The following RASGEF1A variants were observed in gnomAD, a reference collection of about 807,000 sequenced individuals.
The protein encoded by RASGEF1A is ras-GEF domain-containing family member 1A.
A neutral mutation model predicts 56.4 loss-of-function variants in RASGEF1A; 18 were observed. The ratio of observed to expected loss-of-function variants is 0.32; its 90% CI spans 0.22 to 0.47. The LOEUF is 0.47. Ranked by LOEUF, RASGEF1A falls within the 20% of genes least tolerant of loss-of-function variation. RASGEF1A has a pLI of 1.00. For synonymous variants in RASGEF1A, 245 were observed against 242.6 expected, an observed-to-expected ratio of 1.01 and a Z score of -0.09; for missense variants, 422 against 627.1, an observed-to-expected ratio of 0.67 and a Z score of 3.49.
At chr10:43,198,238 C>A (rs766722305) in intron 9 of RASGEF1A, 43 bp from the exon 10 acceptor site, 1 of 1,513,718 alleles carries the variant, frequency 6.6e-7, no homozygotes, top group Middle Eastern at 1.8e-4. Context: ...CAGCCCCATG[C>A]CCCTCCGACC....
chr10:43,244,718 CA>C (rs1442736828), intron 1 of RASGEF1A, among the ~76,000 whole-genome samples: 38 of 152,084 alleles, frequency 2.5e-4, no homozygotes, highest in African/African-American at 9.2e-4. Context: ...GAAGAAACCA[CA>C]AGGGAATTCT....
At position 43,200,125 on chromosome 10, in the gene RASGEF1A, G is replaced by C. The variant is rs1372585847; in HGVS notation, c.756+57C>G. 7.8e-6 allele frequency: 11 copies of C among 1,407,966 alleles called. No individual in the cohort carries two copies. The East Asian group carries it at 2.5e-4, about 31-fold the overall frequency. 87.2% of individuals were successfully genotyped at this position (1,407,966 alleles called of 1,614,324 possible). A position where few individuals can be genotyped will look rare whatever the true frequency, so the allele number is the denominator to read the frequency against. On this transcript the variant is annotated intron_variant, in intron 6 of 12. Coordinates refer to ENST00000395810, the MANE Select transcript of RASGEF1A (RefSeq NM_145313.4). ...GAGGCCCACACCCACCCTGCATGGA[G>C]CGCAAGTGCTGGGCAGACAGGGCTG...
chr10:43,201,672 G>A lies in RASGEF1A; in HGVS notation c.459+136C>T, dbSNP rs536559760. On this transcript the variant is annotated intron_variant, in intron 4 of 12. Coordinates refer to ENST00000395810, the MANE Select transcript of RASGEF1A (RefSeq NM_145313.4). ...ATCTGGGGGAAGGGAGGTTGAATGG[G>A]GCCAGCCAGCAACCCTCCTGGGGGA... The A allele has an allele frequency of 3.7e-5, 35 of 953,740 alleles. No homozygotes were observed. The East Asian group carries it at 9.7e-4, about 27-fold the overall frequency. 59.1% of individuals were successfully genotyped at this position (953,740 alleles called of 1,614,324 possible).
At chr10:43,254,923 C>T (rs1840670843) in intron 1 of RASGEF1A, among the ~76,000 whole-genome samples, 1 of 152,188 alleles carries the variant, frequency 6.6e-6, no homozygotes, top group South Asian at 2.1e-4. Flanking sequence ...CTGGTAGCCC[C>T]AGGGCCCACT....
rs547805386 is a variant in RASGEF1A, at chr10:43,257,369, G to A, written c.-7+9476C>T. Among the ~76,000 whole-genome samples, 53 of 152,380 alleles carry A rather than the reference G, an allele frequency of 3.5e-4. 1 individual carries two copies. Among genetic ancestry groups the A allele is most frequent in the African/African-American group, 1.3e-3 (53 of 41,592 alleles). On this transcript the variant is annotated intron_variant, in intron 1 of 12. Transcript: ENST00000395810. Reference sequence around the variant, plus strand: ...CCCTCACCAGGTGGGCAGCTCATCAGCCACATGGGGCCTTGCCCAGCGAGT... The same window carrying A: ...CCCTCACCAGGTGGGCAGCTCATCAACCACATGGGGCCTTGCCCAGCGAGT...
At chr10:43,197,384 C>T (rs756270399) in intron 10 of RASGEF1A, among the ~76,000 whole-genome samples, 1 of 152,252 alleles carries the variant, frequency 6.6e-6, no homozygotes, top group Non-Finnish European at 1.5e-5. Context: ...GAAGGCCCCA[C>T]TGATAACTCC....
At chr10:43,240,921 A>G (rs966216799) in intron 1 of RASGEF1A, among the ~76,000 whole-genome samples, 2 of 152,242 alleles carry the variant, frequency 1.3e-5, no homozygotes, top group African/African-American at 4.8e-5. Context: ...GAAGCAGTTG[A>G]GCTGACACGT....
intron 1 of RASGEF1A, chr10:43,206,987 C>A: frequency 1.7e-5 from 17 of 985,452 alleles, no homozygotes; most frequent in Non-Finnish European, 1.9e-5. Context: ...CAGGGTCTCA[C>A]CACACCCTGC....
chr10:43,228,084 C>T (rs1312258878), intron 1 of RASGEF1A, among the ~76,000 whole-genome samples: 5 of 152,240 alleles, frequency 3.3e-5, no homozygotes, highest in South Asian at 2.1e-4. Context: ...ACTGCAGCCC[C>T]GTCACCCCCA....
intron 1 of RASGEF1A, among the ~76,000 whole-genome samples, chr10:43,248,364 T>TAA (rs34561814): frequency 2.2e-4 from 24 of 111,378 alleles, no homozygotes; most frequent in Non-Finnish European, 2.0e-4. Context: ...ACTCGGTCTT[T>TAA]AAAAAAAAAA....
At chr10:43,243,147 C>T (rs997585315) in intron 1 of RASGEF1A, among the ~76,000 whole-genome samples, 4 of 151,546 alleles carry the variant, frequency 2.6e-5, no homozygotes, top group Non-Finnish European at 5.9e-5. Flanking sequence ...CTGGCCGCCC[C>T]GTCTGGGAGG....
intron 1 of RASGEF1A, chr10:43,209,008 T>C (rs954194623): frequency 1.0e-6 from 1 of 985,370 alleles, no homozygotes; most frequent in East Asian, 1.1e-4. Flanking sequence ...CACCCAGCCC[T>C]GAGGTCGCTT....
chr10:43,235,388 G>A (rs1359900498), intron 1 of RASGEF1A, among the ~76,000 whole-genome samples: 2 of 152,192 alleles, frequency 1.3e-5, no homozygotes, highest in African/African-American at 4.8e-5. Context: ...TGGGGTCCAT[G>A]AGTCTTTCCT....
intron 1 of RASGEF1A, among the ~76,000 whole-genome samples, chr10:43,247,149 T>C (rs1840574807): frequency 1.3e-5 from 2 of 152,232 alleles, no homozygotes; most frequent in South Asian, 2.1e-4. Flanking sequence ...AAATGGCCAA[T>C]AGGCACATTA....
At chr10:43,218,517 C>T (rs1163072738) in intron 1 of RASGEF1A, among the ~76,000 whole-genome samples, 1 of 152,252 alleles carries the variant, frequency 6.6e-6, no homozygotes, top group Non-Finnish European at 1.5e-5. Flanking sequence ...GCAGCACAGT[C>T]CTTGGGAGCA....
intron 1 of RASGEF1A, 64 bp downstream of exon 1, chr10:43,266,781 G>A (rs1048434021): frequency 1.4e-5 from 2 of 145,938 alleles, no homozygotes; most frequent in Non-Finnish European, 3.0e-5. Context: ...CCGGCGACCG[G>A]AGGGCACGGC....
Position 43,206,062 on chromosome 10 carries a change from G to C in RASGEF1A, c.55C>G (p.Gln19Glu), listed in dbSNP as rs373390556. The change falls in exon 2 of 13, where the codon CAG becomes GAG. Residue 19 changes from glutamine to glutamate, a missense_variant. Around this residue, in one of 2 missense-constraint regions of RASGEF1A, gnomAD observed 273 missense variants for 339.9 expected, o/e 0.80. Transcript: ENST00000395810. ...SSILGPSCSGQVQPGMGERGG... is the reference protein window; with the variant it reads ...SSILGPSCSGEVQPGMGERGG... ...CGCTCCCCCATGCCAGGCTGCACCT[G>C]TCCGCTACAGCTGGGCCCAAGGATG... 16 of 1,606,560 alleles carry C rather than the reference G, an allele frequency of 1.0e-5. No individual in the cohort carries two copies. In the African/African-American group the frequency reaches 2.0e-4, roughly 20 times the overall value.
At chr10:43,255,780 G>C (rs1307023874) in intron 1 of RASGEF1A, among the ~76,000 whole-genome samples, 1 of 152,158 alleles carries the variant, frequency 6.6e-6, no homozygotes, top group Non-Finnish European at 1.5e-5. Flanking sequence ...ACAAGTGTTG[G>C]CTCAGGACCA....
At chr10:43,251,932 C>G (rs568774769) in intron 1 of RASGEF1A, among the ~76,000 whole-genome samples, 1 of 152,322 alleles carries the variant, frequency 6.6e-6, no homozygotes, top group East Asian at 1.9e-4. Context: ...GGAGTCTCCC[C>G]AACAAGACGG....
Sources: allele counts gnomAD v4.1 joint callset (sites outside exome capture counted in the v4.1 genomes callset), GRCh38; gene constraint gnomAD v4.1.1; regional missense constraint gnomAD v4.1.1; transcripts MANE v1.5; gene names NCBI Gene and HGNC (gene_info 2026-07-23, HGNC 2026-07-21).